Variants in ACTR3C observed in about 807,000 individuals in gnomAD.
ACTR3C encodes actin-related protein 3C.
In ACTR3C, 18 loss-of-function variants were observed where a neutral mutation model predicts 26.3. That is an observed-to-expected ratio of 0.68 (90% CI 0.47 to 1.01). The LOEUF (loss-of-function observed/expected upper bound fraction) is 1.01. ACTR3C is among the 50% of genes least tolerant of loss of function. ACTR3C has a pLI of 0.00. For missense variants in ACTR3C, 184 were observed against 250.7 expected (o/e 0.73, Z 1.80); for synonymous variants, 55 against 94.5 (o/e 0.58, Z 2.42).
At chr7:150,180,666 C>T in the ACTR3C span, among the ~76,000 whole-genome samples, 3 of 149,010 alleles carry the variant, frequency 2.0e-5, 1 homozygote, top group African/African-American at 7.8e-5. Context: ...GCGCGCGCCA[C>T]CACGCCTGGC....
chr7:150,113,134 C>T, the ACTR3C span, among the ~76,000 whole-genome samples: 12 of 151,976 alleles, frequency 7.9e-5, no homozygotes, highest in South Asian at 2.1e-4. Flanking sequence ...AGTCCTCCGA[C>T]GGTGGCTGAC....
the ACTR3C span, among the ~76,000 whole-genome samples, chr7:150,036,995 C>CCCCCCT: frequency 7.0e-5 from 2 of 28,502 alleles, 1 homozygote; most frequent in African/African-American, 2.0e-4. Context: ...GGGGTGCCTC[C>CCCCCCT]GCCCCCCTGC....
At chr7:150,143,575 CCT>C in the ACTR3C span, among the ~76,000 whole-genome samples, 1 of 152,310 alleles carries the variant, frequency 6.6e-6, no homozygotes, top group African/African-American at 2.4e-5. Flanking sequence ...CCCCTCACAC[CCT>C]GAGTCCTCTT....
At chr7:150,141,731 G>A in the ACTR3C span, among the ~76,000 whole-genome samples, 2 of 152,082 alleles carry the variant, frequency 1.3e-5, no homozygotes, top group Admixed American at 6.6e-5. Flanking sequence ...CCTCAACGGC[G>A]TGCTCTGCCT....
the ACTR3C span, among the ~76,000 whole-genome samples, chr7:149,911,623 A>G: frequency 1.3e-5 from 2 of 152,036 alleles, no homozygotes; most frequent in African/African-American, 4.8e-5. Flanking sequence ...CATCTCCTAC[A>G]ATCTCCTATT....
chr7:150,217,521 A>G, the ACTR3C span, among the ~76,000 whole-genome samples: 3 of 151,748 alleles, frequency 2.0e-5, no homozygotes, highest in Non-Finnish European at 1.5e-5. Context: ...TTCCAAAGCT[A>G]AAGTTGAACA....
At chr7:150,084,507 C>T in the ACTR3C span, among the ~76,000 whole-genome samples, 4 of 152,102 alleles carry the variant, frequency 2.6e-5, no homozygotes, top group African/African-American at 9.7e-5. Flanking sequence ...CAAGGAATGC[C>T]TCACTGCGGA....
the ACTR3C span, among the ~76,000 whole-genome samples, chr7:150,141,546 T>C: frequency 6.6e-6 from 1 of 151,438 alleles, no homozygotes; most frequent in Admixed American, 6.6e-5. Flanking sequence ...AAAAAAGTCC[T>C]GACTTATTGT....
intron 6 of ACTR3C, among the ~76,000 whole-genome samples, chr7:150,264,194 C>T (rs1281950940): frequency 1.3e-5 from 2 of 152,238 alleles, no homozygotes; most frequent in African/African-American, 2.4e-5. Flanking sequence ...ATCCCTCATT[C>T]GCGCTGCTCC....
At chr7:150,319,397 G>T (rs1165245855) in intron 1 of ACTR3C, among the ~76,000 whole-genome samples, 6 of 152,070 alleles carry the variant, frequency 3.9e-5, no homozygotes, top group Admixed American at 3.9e-4. Context: ...AGTAGAAACG[G>T]GGTTTCTCCA....
chr7:150,135,404 A>G, the ACTR3C span, among the ~76,000 whole-genome samples: 4 of 152,368 alleles, frequency 2.6e-5, no homozygotes, highest in African/African-American at 9.6e-5. Flanking sequence ...TCTTGGCTTC[A>G]TGCTCAGTGG....
At chr7:150,284,171 C>T (rs769807469) in intron 6 of ACTR3C, among the ~76,000 whole-genome samples, 2 of 152,098 alleles carry the variant, frequency 1.3e-5, no homozygotes, top group Non-Finnish European at 2.9e-5. Context: ...TACTTTCCAT[C>T]GATATTTGTG....
the ACTR3C span, among the ~76,000 whole-genome samples, chr7:150,183,715 A>G: frequency 1.3e-5 from 2 of 149,146 alleles, no homozygotes; most frequent in Admixed American, 1.3e-4. Flanking sequence ...AAAAAAAAAA[A>G]AAAAGCTTAT....
At chr7:150,039,517 C>A in the ACTR3C span, among the ~76,000 whole-genome samples, 1 of 86,652 alleles carries the variant, frequency 1.2e-5, no homozygotes, top group African/African-American at 3.9e-5. Context: ...GTGGGGGGTG[C>A]CTCCCCCTCC....
chr7:150,036,741 G>T, the ACTR3C span, among the ~76,000 whole-genome samples: 1 of 138,252 alleles, frequency 7.2e-6, no homozygotes, highest in Admixed American at 6.9e-5. Context: ...CCGTCGGATC[G>T]TAAATCCCAT....
chr7:150,003,394 G>A, the ACTR3C span, among the ~76,000 whole-genome samples: 1 of 152,140 alleles, frequency 6.6e-6, no homozygotes, highest in African/African-American at 2.4e-5. Context: ...TGGTATGTAT[G>A]ATGTATGGAA....
the ACTR3C span, among the ~76,000 whole-genome samples, chr7:150,126,457 T>C: frequency 6.6e-6 from 1 of 152,150 alleles, no homozygotes; most frequent in Non-Finnish European, 1.5e-5. Context: ...TCTCTGAAAA[T>C]ATGAAGCTCC....
the ACTR3C span, among the ~76,000 whole-genome samples, chr7:150,147,996 A>G: frequency 2.0e-5 from 3 of 147,554 alleles, no homozygotes; most frequent in African/African-American, 7.6e-5. Context: ...AGCCTGCCAG[A>G]GGGCGGAGAA....
chr7:149,911,952 G>T, the ACTR3C span, among the ~76,000 whole-genome samples: 1 of 150,142 alleles, frequency 6.7e-6, no homozygotes, highest in South Asian at 2.1e-4. Flanking sequence ...CGAGGTTGCA[G>T]TGAACTATGA....
Sources: gnomAD v4.1 joint callset for allele counts (sites outside exome capture counted in the v4.1 genomes callset) on GRCh38, gnomAD v4.1.1 for gene constraint, MANE v1.5 for transcripts, NCBI Gene and HGNC (gene_info 2026-07-23, HGNC 2026-07-21) for gene names.